Variants in STAT5B observed in about 807,000 individuals in gnomAD.
STAT5B encodes transcription factor STAT5B.
In STAT5B, 21 loss-of-function variants were observed where a neutral mutation model predicts 107.8. The ratio of observed to expected loss-of-function variants is 0.19; its 90% CI spans 0.14 to 0.28. The LOEUF is 0.28. STAT5B is among the 10% of genes least tolerant of loss of function. The pLI is 1.00. For synonymous variants in STAT5B, 325 were observed against 401.7 expected, an observed-to-expected ratio of 0.81 and a Z score of 2.28; for missense variants, 565 against 1,008.2, an observed-to-expected ratio of 0.56 and a Z score of 5.95.
intron 5 of STAT5B, among the ~76,000 whole-genome samples, chr17:42,220,995 C>T (rs1336228309): frequency 2.0e-5 from 3 of 151,318 alleles, no homozygotes; most frequent in Non-Finnish European, 2.9e-5. Context: ...AGAGTCCTTG[C>T]TTGAGCTGAG....
At chr17:42,217,684 G>A (rs2080184003) in intron 9 of STAT5B, 1 of 555,716 alleles carries the variant, frequency 1.8e-6, no homozygotes, top group Non-Finnish European at 3.2e-6. Flanking sequence ...CAGTTCCTAA[G>A]AGAACTTTTT....
At chr17:42,242,710 G>A (rs2080414403) in intron 1 of STAT5B, among the ~76,000 whole-genome samples, 1 of 151,876 alleles carries the variant, frequency 6.6e-6, no homozygotes, top group Admixed American at 6.6e-5. Context: ...GCTCATGCCT[G>A]TAATCCCAGC....
intron 1 of STAT5B, chr17:42,274,867 C>T (rs1389375575): frequency 6.6e-6 from 1 of 152,042 alleles, no homozygotes; most frequent in African/African-American, 2.4e-5. Flanking sequence ...TTATTATGGC[C>T]CAGGCGGCTA....
intron 1 of STAT5B, among the ~76,000 whole-genome samples, chr17:42,248,271 T>C (rs1598327068): frequency 1.2e-5 from 1 of 82,120 alleles, no homozygotes; most frequent in Admixed American, 1.4e-4. Flanking sequence ...TAAGATCTTG[T>C]CCAAAAAAAA....
rs1056073784 is a variant in STAT5B, at chr17:42,199,785, A to G, written c.*1953T>C. 2 of 152,410 alleles carry G rather than the reference A, an allele frequency of 1.3e-5. No homozygotes were observed. The highest frequency in any genetic ancestry group is 1.9e-4 in the East Asian group (1 of 5,346). The allele number at this position is 152,410 out of a possible 1,614,324, so 9.4% of individuals were successfully genotyped here. A position where few individuals can be genotyped will look rare whatever the true frequency, so the allele number is the denominator to read the frequency against. ...ACGGCCTGGCTGCTCTGTCCTCAGC[A>G]GGCCCTGGGGTGGGTCCACTCCCAA... On this transcript the variant is annotated 3_prime_UTR_variant, in exon 19 of 19. Transcript: ENST00000293328.
chr17:42,201,110 C>T lies in STAT5B; in HGVS notation c.*628G>A, dbSNP rs2080040077. On this transcript the variant is annotated 3_prime_UTR_variant, in exon 19 of 19. Coordinates refer to ENST00000293328, the MANE Select transcript of STAT5B (RefSeq NM_012448.4). ...GTTTTGTGAAAAGCCACCGCCCATC[C>T]GAAAGCTTGTGACTTCCCTTGCCCC... The T allele has an allele frequency of 9.9e-6, 4 of 405,080 alleles. No homozygotes were observed. Among genetic ancestry groups the T allele is most frequent in the Non-Finnish European group, 1.7e-5 (4 of 229,806 alleles). The allele number at this position is 405,080 out of a possible 1,614,324, so 25.1% of individuals were successfully genotyped here. A position where few individuals can be genotyped will look rare whatever the true frequency, so the allele number is the denominator to read the frequency against.
At chr17:42,248,440 G>T (rs2080470867) in intron 1 of STAT5B, among the ~76,000 whole-genome samples, 1 of 150,616 alleles carries the variant, frequency 6.6e-6, no homozygotes, top group Non-Finnish European at 1.5e-5. Flanking sequence ...TTAACATTAA[G>T]ATGAACTAAA....
chr17:42,215,905 A>G lies in STAT5B; in HGVS notation c.1473+109T>C, dbSNP rs529415528. The G allele has an allele frequency of 7.3e-6, 9 of 1,235,404 alleles. No individual in the cohort carries two copies. In the African/African-American group the frequency reaches 1.0e-4, roughly 14 times the overall value. The allele number at this position is 1,235,404 out of a possible 1,614,324, so 76.5% of individuals were successfully genotyped here. On this transcript the variant is annotated intron_variant, in intron 12 of 18. Coordinates refer to ENST00000293328, the MANE Select transcript of STAT5B (RefSeq NM_012448.4). ...CCAAAGTGCTGGGATTACAAGTGTG[A>G]GTCACTGCACCCGGCCTTTTCCTAT...
At chr17:42,244,714 C>G (rs929232796) in intron 1 of STAT5B, among the ~76,000 whole-genome samples, 1 of 151,970 alleles carries the variant, frequency 6.6e-6, no homozygotes, top group Non-Finnish European at 1.5e-5. Flanking sequence ...TGACAAGTGC[C>G]TTGATTCAGG....
intron 1 of STAT5B, among the ~76,000 whole-genome samples, chr17:42,260,349 T>C (rs1441589606): frequency 1.3e-5 from 2 of 152,216 alleles, no homozygotes; most frequent in African/African-American, 4.8e-5. Flanking sequence ...ACACCAGATT[T>C]TGAAGCATTC....
intron 1 of STAT5B, among the ~76,000 whole-genome samples, chr17:42,267,421 A>G (rs546902345): frequency 3.9e-5 from 6 of 152,352 alleles, no homozygotes; most frequent in African/African-American, 1.2e-4. Context: ...GGTGCAAGAC[A>G]GTGATACTGA....
chr17:42,239,367 AT>A (rs2144320161), intron 1 of STAT5B, among the ~76,000 whole-genome samples: 1 of 152,266 alleles, frequency 6.6e-6, no homozygotes, highest in East Asian at 1.9e-4. Context: ...TTCCAAGGAC[AT>A]ATCTGACTTT....
chr17:42,279,473 G>A (rs937414123), upstream of STAT5B, among the ~76,000 whole-genome samples: 1 of 152,174 alleles, frequency 6.6e-6, no homozygotes, highest in African/African-American at 2.4e-5. Flanking sequence ...GTTTGTGGCA[G>A]CCACAGGGCG....
At chr17:42,243,216 C>T (rs908938717) in intron 1 of STAT5B, among the ~76,000 whole-genome samples, 6 of 151,726 alleles carry the variant, frequency 4.0e-5, no homozygotes, top group African/African-American at 1.5e-4. Flanking sequence ...ATTAGTTGGG[C>T]GTGGTGGCAC....
chr17:42,277,915 C>T (rs1241769266), upstream of STAT5B, among the ~76,000 whole-genome samples: 1 of 151,956 alleles, frequency 6.6e-6, no homozygotes, highest in Non-Finnish European at 1.5e-5. Flanking sequence ...ACCACCACAT[C>T]CGGCTAATTT....
At chr17:42,218,586 C>T (rs143781047) in intron 8 of STAT5B, 137 bp downstream of exon 8, 22,641 of 1,541,678 alleles carry the variant, frequency 0.015, 189 homozygotes, top group Non-Finnish European at 0.017. Flanking sequence ...TGGGCAAGGG[C>T]CACAGCAACT....
At chr17:42,222,053 GTC>G (rs1200957612) in intron 5 of STAT5B, among the ~76,000 whole-genome samples, 2 of 144,744 alleles carry the variant, frequency 1.4e-5, no homozygotes. Context: ...TGTGCTGTGT[GTC>G]TGTGTGTGTG....
intron 12 of STAT5B, among the ~76,000 whole-genome samples, chr17:42,213,271 A>G (rs536237864): frequency 2.6e-5 from 4 of 152,190 alleles, no homozygotes; most frequent in South Asian, 2.1e-4. Context: ...CAGTGGCCCA[A>G]TCTTGGCTCA....
upstream of STAT5B, chr17:42,276,415 C>CG: frequency 6.8e-6 from 1 of 146,656 alleles, no homozygotes; most frequent in East Asian, 2.0e-4. The surrounding 1 kb of genome is among the most constrained non-coding windows in gnomAD (Gnocchi z 4.8). Flanking sequence ...CCGGGGCCCG[C>CG]GGGGGCGCGC....
Sources: allele counts gnomAD v4.1 joint callset (sites outside exome capture counted in the v4.1 genomes callset), GRCh38; gene constraint gnomAD v4.1.1; non-coding constraint Gnocchi (gnomAD v3.1); transcripts MANE v1.5; gene names NCBI Gene and HGNC (gene_info 2026-07-23, HGNC 2026-07-21).